Variants in STK35 observed in about 807,000 individuals in gnomAD.
The protein encoded by STK35 is serine/threonine kinase 35, also known as serine/threonine-protein kinase 35.
STK35 carries 17 observed loss-of-function variants against 37.3 expected under a neutral mutation model. The observed-to-expected ratio is 0.46, with a 90% CI of 0.31 to 0.68. STK35 has a LOEUF of 0.68. STK35 is among the 30% of genes least tolerant of loss of function. The pLI is 0.05. For missense variants in STK35, 595 were observed against 746.7 expected (o/e 0.80, Z 2.37); for synonymous variants, 385 against 319.1 (o/e 1.21, Z -2.20).
intron 3 of STK35, among the ~76,000 whole-genome samples, chr20:2,131,657 G>T (rs1215216177): frequency 6.6e-6 from 1 of 152,074 alleles, no homozygotes; most frequent in Non-Finnish European, 1.5e-5. Context: ...TTAGCTTACT[G>T]TAACTTTTTT....
At chr20:2,108,223 C>T (rs1376532528) in intron 2 of STK35, among the ~76,000 whole-genome samples, 3 of 152,218 alleles carry the variant, frequency 2.0e-5, no homozygotes, top group African/African-American at 7.2e-5. Flanking sequence ...AAACTAATGG[C>T]TCAGGCCGTG....
At chr20:2,106,136 A>G (rs1028228156) in intron 2 of STK35, among the ~76,000 whole-genome samples, 32 of 152,198 alleles carry the variant, frequency 2.1e-4, no homozygotes, top group African/African-American at 6.8e-4. Flanking sequence ...ACAGATACCA[A>G]AATTACTCCA....
At chr20:2,113,515 C>G (rs1985658894) in intron 2 of STK35, among the ~76,000 whole-genome samples, 1 of 152,126 alleles carries the variant, frequency 6.6e-6, no homozygotes, top group Non-Finnish European at 1.5e-5. Flanking sequence ...GGGATCACTT[C>G]AAATAGGAAT....
chr20:2,136,785 T>C (rs1166955778), intron 3 of STK35, among the ~76,000 whole-genome samples: 1 of 152,174 alleles, frequency 6.6e-6, no homozygotes, highest in Non-Finnish European at 1.5e-5. Flanking sequence ...TGCAGGAAGC[T>C]CAGGGTCTAA....
rs1399518815 is a variant in STK35 at position 2,103,017 on chromosome 20, G to T, written c.544G>T (p.Gly182Cys). ...AMDPVAAEAP[G>C]EAFLARRRPE... ...GGATCCGGTGGCGGCCGAGGCCCCG[G>T]GCGAGGCCTTCCTGGCGCGGCGACG... Residue 182 changes from glycine (G) to cysteine (C), a missense_variant, in exon 2 of 4, where the codon GGC (glycine) becomes TGC (cysteine). Physicochemically the swap from Gly to Cys is radical, Grantham distance 159. Coordinates refer to ENST00000381482, the MANE Select transcript of STK35 (RefSeq NM_080836.4). 2 of 1,449,700 alleles carry T rather than the reference G, an allele frequency of 1.4e-6. No homozygotes were observed. The highest frequency in any genetic ancestry group is 2.8e-5 in the South Asian group (2 of 71,378). 89.8% of individuals were successfully genotyped at this position (1,449,700 alleles called of 1,614,324 possible). A position where few individuals can be genotyped will look rare whatever the true frequency, so the allele number is the denominator to read the frequency against.
chr20:2,117,016 G>C lies in STK35; in HGVS notation c.1243G>C (p.Ala415Pro). ...TGTGAATAAGTACTGGCTGTCCTCA[G>C]CCTGCGGTTCGGACTTCTACATGGC... ...VNVNKYWLSS[A>P]CGSDFYMAPE... The change falls in exon 3 of 4, where the codon GCC (alanine) becomes CCC (proline). Residue 415 changes from alanine to proline, a missense_variant. This residue lies in a region of STK35 where 109 missense variants were observed against 280.3 expected (regional missense o/e 0.39). Coordinates refer to ENST00000381482, the MANE Select transcript of STK35 (RefSeq NM_080836.4). The surrounding 1 kb of genome is among the most constrained non-coding windows in gnomAD (Gnocchi z 4.4). 6.2e-7 allele frequency: 1 copy of C among 1,614,212 alleles called. No homozygotes were observed.
At chr20:2,105,532 C>T (rs1293878285) in intron 2 of STK35, among the ~76,000 whole-genome samples, 1 of 152,194 alleles carries the variant, frequency 6.6e-6, no homozygotes, top group Non-Finnish European at 1.5e-5. Flanking sequence ...GGGTTAGACC[C>T]TCTGGCTCAT....
At position 2,109,059 on chromosome 20, in the gene STK35, G is replaced by A. The variant is rs543937748; in HGVS notation, c.892+5694G>A. ...TTTCACCCTCTTATCGACCACCTAG[G>A]TGTGCATGTGGTATACTGTGGGGAA... On this transcript the variant is annotated intron_variant, in intron 2 of 3. Coordinates refer to ENST00000381482, the MANE Select transcript of STK35 (RefSeq NM_080836.4). 8.5e-5 allele frequency among the ~76,000 whole-genome samples: 13 copies of A among 152,274 alleles called. No homozygotes were observed. The South Asian group carries it at 2.3e-3, about 27-fold the overall frequency.
chr20:2,109,669 C>G (rs967844845), intron 2 of STK35, among the ~76,000 whole-genome samples: 1 of 152,232 alleles, frequency 6.6e-6, no homozygotes, highest in Non-Finnish European at 1.5e-5. Flanking sequence ...TGTCCAGAGA[C>G]ATTAGCATAA....
rs1985658775 is a variant in STK35 at position 2,113,509 on chromosome 20, T to A, written c.893-3157T>A. Among the ~76,000 whole-genome samples, 5 of 152,174 alleles carry A rather than the reference T, an allele frequency of 3.3e-5. No homozygotes were observed. In the South Asian group the frequency reaches 8.3e-4, roughly 25 times the overall value. On this transcript the variant is annotated intron_variant, in intron 2 of 3. Transcript: ENST00000381482. ...GGGGCAGCAGGCCTAGGGAGAGGGATCACTTCAAATAGGAATAGCCTGGTC... is the reference window on the plus strand; with the variant it reads ...GGGGCAGCAGGCCTAGGGAGAGGGAACACTTCAAATAGGAATAGCCTGGTC...
At chr20:2,134,277 A>AT (rs397777062) in intron 3 of STK35, among the ~76,000 whole-genome samples, 2 of 150,482 alleles carry the variant, frequency 1.3e-5, no homozygotes, top group African/African-American at 4.9e-5. Context: ...AAAAAAAAAA[A>AT]GATGGGGCGG....
chr20:2,131,179 A>T (rs1404997112), intron 3 of STK35, among the ~76,000 whole-genome samples: 1 of 152,216 alleles, frequency 6.6e-6, no homozygotes, highest in African/African-American at 2.4e-5. Flanking sequence ...TATATGGTAG[A>T]TAGAGCCTAT....
Position 2,103,081 on chromosome 20 carries a change from G to T in STK35, c.608G>T (p.Ser203Ile). ...GGCGGGTCCGCGCGGCCGCGTTACA[G>T]CCTGTTGGCGGAGATCGGGCGCGGC... is the stretch of plus-strand genomic sequence containing the variant. ...GGGGSARPRY[S>I]LLAEIGRGSY... is the part of the protein sequence containing the mutation. Residue 203 changes from serine (S) to isoleucine (I), a missense_variant, in exon 2 of 4, where the codon AGC (serine) becomes ATC (isoleucine). By Grantham distance (142) the Ser-to-Ile change is moderately radical. Transcript: ENST00000381482. 1 of 1,595,654 alleles carries T rather than the reference G, an allele frequency of 6.3e-7. No homozygotes were observed.
At chr20:2,111,694 T>C (rs998050503) in intron 2 of STK35, among the ~76,000 whole-genome samples, 1 of 152,130 alleles carries the variant, frequency 6.6e-6, no homozygotes, top group South Asian at 2.1e-4. Context: ...GCTAGACCGT[T>C]TCAAAATAAG....
intron 3 of STK35, among the ~76,000 whole-genome samples, chr20:2,133,306 G>C (rs1986030432): frequency 6.6e-6 from 1 of 152,190 alleles, no homozygotes; most frequent in African/African-American, 2.4e-5. Context: ...GAGGACCTCA[G>C]CCTTTCCCTT....
rs567681935 is a variant in STK35 at position 2,102,100 on chromosome 20, G to T, written c.219G>T (p.Gly73=). 3.4e-6 allele frequency: 5 copies of T among 1,467,552 alleles called. No homozygotes were observed. In the East Asian group the frequency reaches 1.4e-4, roughly 40 times the overall value. 90.9% of individuals were successfully genotyped at this position (1,467,552 alleles called of 1,614,324 possible). ...SRAARSRRQP[G]PGADHPQAGA... ...CTGCTCGGTCCCGGAGGCAGCCCGG[G>T]CCCGGAGCGGACCATCCCCAGGCAG... Residue 73 remains glycine, a synonymous_variant, in exon 1 of 4, where the codon GGG becomes GGT. Transcript: ENST00000381482.
At chr20:2,127,426 A>G (rs1985925460) in intron 3 of STK35, among the ~76,000 whole-genome samples, 1 of 152,162 alleles carries the variant, frequency 6.6e-6, no homozygotes, top group Non-Finnish European at 1.5e-5. Flanking sequence ...CAGAAAGAGA[A>G]CTAGAAGTCA....
intron 3 of STK35, among the ~76,000 whole-genome samples, chr20:2,135,140 C>T (rs1310139993): frequency 1.3e-5 from 2 of 152,206 alleles, no homozygotes; most frequent in Admixed American, 6.5e-5. Flanking sequence ...TTCATCTTCC[C>T]GTGTTTCACT....
rs1439164612 is a variant in STK35, at chr20:2,147,453, CCTT to C, written c.*3711_*3713del. ...TTCTTTTTATGCTGTTAGCTGTTTA[CCTT>C]CTTAGAAGACATCCTAATAGGATGG... is the stretch of plus-strand genomic sequence containing the variant. On this transcript the variant is annotated 3_prime_UTR_variant, in exon 4 of 4. Transcript: ENST00000381482. 3.9e-5 allele frequency: 6 copies of C among 152,656 alleles called. No individual in the cohort carries two copies. Among genetic ancestry groups the C allele is most frequent in the African/African-American group, 1.4e-4 (6 of 41,566 alleles). The allele number at this position is 152,656 out of a possible 1,614,324, so 9.5% of individuals were successfully genotyped here. A position where few individuals can be genotyped will look rare whatever the true frequency, so the allele number is the denominator to read the frequency against.
Sources: allele counts gnomAD v4.1 joint callset (sites outside exome capture counted in the v4.1 genomes callset), GRCh38; gene constraint gnomAD v4.1.1; regional missense constraint gnomAD v4.1.1; non-coding constraint Gnocchi (gnomAD v3.1); transcripts MANE v1.5; gene names NCBI Gene and HGNC (gene_info 2026-07-23, HGNC 2026-07-21).